HEMK2: variants seen among roughly 807,000 people sequenced by gnomAD.
HEMK2 encodes methyltransferase HEMK2.
chr21:28,868,366 T>C, the HEMK2 span, among the ~76,000 whole-genome samples: 5 of 152,212 alleles, frequency 3.3e-5, no homozygotes, highest in African/African-American at 7.2e-5. Context: ...ATAAAATAAC[T>C]TTCCATTTAC....
chr21:28,845,512 G>T, the HEMK2 span, among the ~76,000 whole-genome samples: 57 of 152,118 alleles, frequency 3.7e-4, no homozygotes, highest in African/African-American at 1.3e-3. Flanking sequence ...CACTCACTAG[G>T]TGTGTGTATT....
At chr21:28,739,676 T>C in the HEMK2 span, among the ~76,000 whole-genome samples, 1 of 152,252 alleles carries the variant, frequency 6.6e-6, no homozygotes, top group Non-Finnish European at 1.5e-5. Context: ...ACTGTCCCTA[T>C]AGCCATTAGC....
chr21:28,822,130 T>C, the HEMK2 span, among the ~76,000 whole-genome samples: 1 of 149,352 alleles, frequency 6.7e-6, no homozygotes, highest in African/African-American at 2.5e-5. Context: ...AGAATTCCAA[T>C]CACTAGTTTA....
chr21:28,870,314 T>C, the HEMK2 span, among the ~76,000 whole-genome samples: 4 of 152,270 alleles, frequency 2.6e-5, no homozygotes, highest in Non-Finnish European at 5.9e-5. Flanking sequence ...CTGTTACAAC[T>C]GATGAACCAA....
chr21:28,747,122 CA>C, the HEMK2 span, among the ~76,000 whole-genome samples: 6 of 152,298 alleles, frequency 3.9e-5, no homozygotes, highest in African/African-American at 1.4e-4. Context: ...ATGGAGTCTA[CA>C]GGTGTACCTG....
At chr21:28,883,055 C>T in the HEMK2 span, 1 of 1,602,842 alleles carries the variant, frequency 6.2e-7, no homozygotes. Context: ...GACCCTACTT[C>T]CAGGCATATT....
At chr21:28,802,408 A>G in the HEMK2 span, among the ~76,000 whole-genome samples, 176 of 152,328 alleles carry the variant, frequency 1.2e-3, no homozygotes, top group African/African-American at 4.0e-3. Flanking sequence ...CCAGTTACAT[A>G]GAGAGGGAGC....
At chr21:28,822,854 T>C in the HEMK2 span, among the ~76,000 whole-genome samples, 38 of 146,980 alleles carry the variant, frequency 2.6e-4, no homozygotes, top group Non-Finnish European at 4.3e-4. Context: ...TAATCCCAGA[T>C]ATTAACGTCC....
the HEMK2 span, among the ~76,000 whole-genome samples, chr21:28,653,317 G>T: frequency 6.6e-6 from 1 of 151,486 alleles, no homozygotes; most frequent in Non-Finnish European, 1.5e-5. Flanking sequence ...AACCCAAACT[G>T]CTTACTCTGG....
the HEMK2 span, among the ~76,000 whole-genome samples, chr21:28,693,746 C>T: frequency 6.6e-6 from 1 of 152,182 alleles, no homozygotes; most frequent in African/African-American, 2.4e-5. Context: ...ACCTAACTAA[C>T]TTGCCTTGAG....
At chr21:28,579,690 A>G in the HEMK2 span, among the ~76,000 whole-genome samples, 2 of 152,192 alleles carry the variant, frequency 1.3e-5, no homozygotes, top group Non-Finnish European at 2.9e-5. Flanking sequence ...CAGTGTGGCA[A>G]TTTTTACCTA....
At chr21:28,867,184 G>A in the HEMK2 span, among the ~76,000 whole-genome samples, 1 of 152,114 alleles carries the variant, frequency 6.6e-6, no homozygotes, top group African/African-American at 2.4e-5. Flanking sequence ...CAACAGACAT[G>A]TACAGAGATG....
chr21:28,793,932 G>A, the HEMK2 span, among the ~76,000 whole-genome samples: 11 of 152,128 alleles, frequency 7.2e-5, no homozygotes, highest in African/African-American at 9.7e-5. Flanking sequence ...TCGAGCCTTC[G>A]GAGAGAACAT....
the HEMK2 span, among the ~76,000 whole-genome samples, chr21:28,692,673 T>A: frequency 3.3e-5 from 5 of 152,186 alleles, no homozygotes; most frequent in Non-Finnish European, 7.4e-5. Flanking sequence ...TACATTTAAA[T>A]GTAAAACATG....
At chr21:28,764,832 G>A in the HEMK2 span, among the ~76,000 whole-genome samples, 2 of 152,020 alleles carry the variant, frequency 1.3e-5, no homozygotes, top group Non-Finnish European at 1.5e-5. Context: ...AATGTATAAT[G>A]ACAGCTACAT....
the HEMK2 span, among the ~76,000 whole-genome samples, chr21:28,694,118 T>C: frequency 1.2e-3 from 185 of 152,216 alleles, no homozygotes; most frequent in Non-Finnish European, 2.2e-3. Flanking sequence ...TGTTTGTAAT[T>C]ATTGGCCTGG....
the HEMK2 span, among the ~76,000 whole-genome samples, chr21:28,747,714 TC>T: frequency 6.6e-6 from 1 of 152,204 alleles, no homozygotes; most frequent in Non-Finnish European, 1.5e-5. Flanking sequence ...CAAAATTGTA[TC>T]CTTTGCACCA....
At chr21:28,830,734 G>A in the HEMK2 span, among the ~76,000 whole-genome samples, 34 of 151,886 alleles carry the variant, frequency 2.2e-4, no homozygotes, top group African/African-American at 5.6e-4. Flanking sequence ...AAAATTAGCC[G>A]GGCATGGTGG....
At chr21:28,824,353 C>T in the HEMK2 span, among the ~76,000 whole-genome samples, 124 of 152,302 alleles carry the variant, frequency 8.1e-4, no homozygotes, top group African/African-American at 2.9e-3. Flanking sequence ...CAGATACTAC[C>T]TTTGATTTCC....
Sources: allele counts gnomAD v4.1 joint callset (sites outside exome capture counted in the v4.1 genomes callset), GRCh38; gene constraint gnomAD v4.1.1; transcripts MANE v1.5; gene names NCBI Gene and HGNC (gene_info 2026-07-23, HGNC 2026-07-21).